The following PRND variants were observed in gnomAD, a reference collection of about 807,000 sequenced individuals.
PRND encodes the protein prion like protein doppel.
For missense variants in PRND, 227 were observed against 223.3 expected (o/e 1.02, Z -0.11); for synonymous variants, 94 against 93.2 (o/e 1.01, Z -0.05).
rs993771753 is a variant in PRND, at chr20:4,725,126, T to A, written c.*44T>A. The A allele has an allele frequency of 3.2e-6, 5 of 1,584,048 alleles. No individual in the cohort carries two copies. The African/African-American group carries it at 5.4e-5, about 17-fold the overall frequency. ...AGTACAGAGTGCAGCAGCGAGCAAA[T>A]CCTGGCAAGTGACCCAGCTCTTCTC... On this transcript the variant is annotated 3_prime_UTR_variant, in exon 2 of 2. Coordinates refer to ENST00000305817, the MANE Select transcript of PRND (RefSeq NM_012409.4).
In PRND at chr20:4,724,918, C is replaced by T. The variant is rs775556779; in HGVS notation, c.367C>T (p.Pro123Ser). 3 of 1,614,172 alleles carry T rather than the reference C, an allele frequency of 1.9e-6. No homozygotes were observed. In the South Asian group the frequency reaches 3.3e-5, roughly 18 times the overall value. The change falls in exon 2 of 2, where the codon CCA (proline) becomes TCA (serine). Residue 123 changes from proline (P) to serine (S), a missense_variant. By Grantham distance (74) the Pro-to-Ser change is moderately conservative. Coordinates refer to ENST00000305817, the MANE Select transcript of PRND (RefSeq NM_012409.4). The surrounding 1 kb of genome is among the most constrained non-coding windows in gnomAD (Gnocchi z 4.8). ...GGCGAACCAGGGGGAGTTCCAGAAG[C>T]CAGACAACAAGCTCCACCAGCAGGT... ...QAANQGEFQK[P>S]DNKLHQQVLW...
chr20:4,722,696 C>G (rs1164345371), intron 1 of PRND, among the ~76,000 whole-genome samples: 1 of 152,058 alleles, frequency 6.6e-6, no homozygotes, highest in South Asian at 2.1e-4. Context: ...AGGGGCGAAA[C>G]AAGCTCCCTG....
At position 4,725,946 on chromosome 20, in the gene PRND, T is replaced by C. The variant is rs560543652; in HGVS notation, c.*864T>C. ...CATGATTTTGGCTCACTGCAGCCTC[T>C]GCCTCCCAGGCTCAAGCACTTTTCC... On this transcript the variant is annotated 3_prime_UTR_variant, in exon 2 of 2. Transcript: ENST00000305817. 53 of 163,380 alleles carry C rather than the reference T, an allele frequency of 3.2e-4. No individual in the cohort carries two copies. Among genetic ancestry groups the C allele is most frequent in the Admixed American group, 1.2e-3 (18 of 15,148 alleles). The allele number at this position is 163,380 out of a possible 1,614,324, so 10.1% of individuals were successfully genotyped here.
At position 4,726,725 on chromosome 20, in the gene PRND, A is replaced by G. The variant is rs547867321; in HGVS notation, c.*1643A>G. On this transcript the variant is annotated 3_prime_UTR_variant, in exon 2 of 2. Transcript: ENST00000305817. ...GGGGGGAACATGCATTTTATCAGACAATTTATCCAAAGCATTGCAGAACAT... is the reference window on the plus strand; with the variant it reads ...GGGGGGAACATGCATTTTATCAGACGATTTATCCAAAGCATTGCAGAACAT... 6.0e-6 allele frequency: 1 copy of G among 167,242 alleles called. No individual in the cohort carries two copies. The highest frequency in any genetic ancestry group is 2.4e-5 in the African/African-American group (1 of 41,594). 10.4% of individuals were successfully genotyped at this position (167,242 alleles called of 1,614,324 possible).
chr20:4,722,242 T>C (rs1923124593), intron 1 of PRND, among the ~76,000 whole-genome samples: 1 of 152,100 alleles, frequency 6.6e-6, no homozygotes, highest in African/African-American at 2.4e-5. Context: ...AAGAATGCTG[T>C]GCTTTTATTT....
chr20:4,725,095 G>A lies in PRND; in HGVS notation c.*13G>A. The stretch of plus-strand genomic sequence containing the variant: ...CACGGTGAAATAAGCTTGCCAGGAG[G>A]CTGGCAGTACAGAGTGCAGCAGCGA... On this transcript the variant is annotated 3_prime_UTR_variant, in exon 2 of 2. Transcript: ENST00000305817. The A allele has an allele frequency of 3.1e-6, 5 of 1,611,362 alleles. No individual in the cohort carries two copies. Among genetic ancestry groups the A allele is most frequent in the Non-Finnish European group, 4.2e-6 (5 of 1,179,128 alleles).
In PRND at chr20:4,725,424, G is replaced by T. The variant is rs1012814500; in HGVS notation, c.*342G>T. On this transcript the variant is annotated 3_prime_UTR_variant, in exon 2 of 2. Transcript: ENST00000305817. ...GAGGTAGGTGTATTCCCGTTTTACAGATAAGGAAACTGAGGCCCAGAGAGC... is the reference window on the plus strand; with the variant it reads ...GAGGTAGGTGTATTCCCGTTTTACATATAAGGAAACTGAGGCCCAGAGAGC... The T allele has an allele frequency of 6.6e-5, 17 of 258,802 alleles. No individual in the cohort carries two copies. The highest frequency in any genetic ancestry group is 3.6e-4 in the African/African-American group (16 of 44,904). The allele number at this position is 258,802 out of a possible 1,614,324, so 16.0% of individuals were successfully genotyped here.
intron 1 of PRND, among the ~76,000 whole-genome samples, chr20:4,722,423 G>T (rs1923129123): frequency 6.6e-6 from 1 of 151,956 alleles, no homozygotes; most frequent in African/African-American, 2.4e-5. Flanking sequence ...TGCTCAGGAG[G>T]CAGAGAGAGT....
chr20:4,724,512 G>T lies in PRND; in HGVS notation c.-11-29G>T. ...GGGGAGCCCAGGCAGGCCTGGTGGG[G>T]AGCTGACCCACCGCCGTTTCTCTGG... On this transcript the variant is annotated intron_variant, in intron 1 of 1. Transcript: ENST00000305817. The surrounding 1 kb of genome is among the most constrained non-coding windows in gnomAD (Gnocchi z 4.8). The T allele has an allele frequency of 3.7e-6, 6 of 1,613,108 alleles. No homozygotes were observed. Among genetic ancestry groups the T allele is most frequent in the Non-Finnish European group, 4.2e-6 (5 of 1,179,868 alleles).
Position 4,724,677 on chromosome 20 carries a change from C to T in PRND, c.126C>T (p.Ser42=), listed in dbSNP as rs928477651. The T allele has an allele frequency of 1.9e-6, 3 of 1,614,102 alleles. No homozygotes were observed. Among genetic ancestry groups the T allele is most frequent in the Non-Finnish European group, 2.5e-6 (3 of 1,180,054 alleles). ...RIKWNRKALP[S]TAQITEAQVA... is the part of the protein sequence containing the mutation. ...AGTGGAACCGGAAGGCCCTGCCCAG[C>T]ACTGCCCAGATCACTGAGGCCCAGG... The change falls in exon 2 of 2, where the codon AGC becomes AGT. Residue 42 remains serine, a synonymous_variant. Transcript: ENST00000305817. The surrounding 1 kb of genome is among the most constrained non-coding windows in gnomAD (Gnocchi z 4.8).
chr20:4,725,181 CCAGGAGCGGCGATGCACTCG>C lies in PRND; in HGVS notation c.*102_*121del. The stretch of plus-strand genomic sequence containing the variant: ...AAACCCACGCGTGTTCTGAAGGTGC[CCAGGAGCGGCGATGCACTCG>C]CACTGCAAATGCCGCTCTCACGTAT... On this transcript the variant is annotated 3_prime_UTR_variant, in exon 2 of 2. Transcript: ENST00000305817. 1 of 1,468,434 alleles carries C rather than the reference CCAGGAGCGGCGATGCACTCG, an allele frequency of 6.8e-7. No homozygotes were observed. The highest frequency in any genetic ancestry group is 9.2e-7 in the Non-Finnish European group (1 of 1,081,256). 91.0% of individuals were successfully genotyped at this position (1,468,434 alleles called of 1,614,324 possible).
At position 4,724,999 on chromosome 20, in the gene PRND, G is replaced by C; in HGVS notation, c.448G>C (p.Glu150Gln). ...CCTCAAGCATTGCGAGTTTTGGTTG[G>C]AGAGGGGCGCAGGACTTCGGGTCAC... Reference protein sequence around the residue: ...CSLKHCEFWLERGAGLRVTMH... With the variant: ...CSLKHCEFWLQRGAGLRVTMH... The change falls in exon 2 of 2, where the codon GAG (glutamate) becomes CAG (glutamine). Residue 150 changes from glutamate to glutamine, a missense_variant. Glu to Gln is a conservative substitution (Grantham distance 29). Coordinates refer to ENST00000305817, the MANE Select transcript of PRND (RefSeq NM_012409.4). This position sits in a 1 kb window ranked among gnomAD's most constrained non-coding sequence, Gnocchi z 4.8. The C allele has an allele frequency of 6.2e-7, 1 of 1,613,756 alleles. No individual in the cohort carries two copies. The highest frequency in any genetic ancestry group is 8.5e-7 in the Non-Finnish European group (1 of 1,179,924).
Position 4,724,936 on chromosome 20 carries a change from C to A in PRND, c.385C>A (p.Gln129Lys), listed in dbSNP as rs1923217639. 6.2e-7 allele frequency: 1 copy of A among 1,614,182 alleles called. No homozygotes were observed. The highest frequency in any genetic ancestry group is 2.2e-5 in the East Asian group (1 of 44,866). The change falls in exon 2 of 2, where the codon CAG (glutamine) becomes AAG (lysine). Residue 129 changes from glutamine to lysine, a missense_variant. Gln to Lys is a moderately conservative substitution (Grantham distance 53). Transcript: ENST00000305817. The surrounding 1 kb of genome is among the most constrained non-coding windows in gnomAD (Gnocchi z 4.8). ...EFQKPDNKLH[Q>K]QVLWRLVQEL... ...CCAGAAGCCAGACAACAAGCTCCAC[C>A]AGCAGGTGCTCTGGCGGCTGGTCCA...
rs571194980 is a variant in PRND, at chr20:4,725,183, A to G, written c.*101A>G. On this transcript the variant is annotated 3_prime_UTR_variant, in exon 2 of 2. Coordinates refer to ENST00000305817, the MANE Select transcript of PRND (RefSeq NM_012409.4). ...ACCCACGCGTGTTCTGAAGGTGCCCAGGAGCGGCGATGCACTCGCACTGCA... is the reference window on the plus strand; with the variant it reads ...ACCCACGCGTGTTCTGAAGGTGCCCGGGAGCGGCGATGCACTCGCACTGCA... The G allele has an allele frequency of 1.4e-6, 2 of 1,459,860 alleles. No homozygotes were observed. The highest frequency in any genetic ancestry group is 2.5e-5 in the South Asian group (2 of 78,936). The allele number at this position is 1,459,860 out of a possible 1,614,324, so 90.4% of individuals were successfully genotyped here.
At position 4,724,844 on chromosome 20, in the gene PRND, A is replaced by C; in HGVS notation, c.293A>C (p.Asn98Thr). 1 of 1,614,232 alleles carries C rather than the reference A, an allele frequency of 6.2e-7. No individual in the cohort carries two copies. Among genetic ancestry groups the C allele is most frequent in the Non-Finnish European group, 8.5e-7 (1 of 1,180,036 alleles). The change falls in exon 2 of 2, where the codon AAT becomes ACT. Residue 98 changes from asparagine to threonine, a missense_variant. Asn to Thr is a moderately conservative substitution (Grantham distance 65). Transcript: ENST00000305817. The surrounding 1 kb of genome is among the most constrained non-coding windows in gnomAD (Gnocchi z 4.8). Reference sequence around the variant, plus strand: ...CACTACAACGGCTGCTCTGAGGCTAATGTGACCAAGGAGGCATTTGTCACC... The same window carrying C: ...CACTACAACGGCTGCTCTGAGGCTACTGTGACCAAGGAGGCATTTGTCACC... ...GIHYNGCSEA[N>T]VTKEAFVTGC...
In PRND at chr20:4,724,083, T is replaced by G. The variant is rs1213907671; in HGVS notation, c.-11-458T>G. Among the ~76,000 whole-genome samples, 1 of 150,606 alleles carries G rather than the reference T, an allele frequency of 6.6e-6. No homozygotes were observed. The highest frequency in any genetic ancestry group is 1.9e-4 in the East Asian group (1 of 5,170). The stretch of plus-strand genomic sequence containing the variant: ...GTATATACGTGTATATATACATATA[T>G]ATGTGTATATATATACGTGTATACA... On this transcript the variant is annotated intron_variant, in intron 1 of 1. Transcript: ENST00000305817. The surrounding 1 kb of genome is among the most constrained non-coding windows in gnomAD (Gnocchi z 4.8).
chr20:4,726,662 CTGAATATTATCATT>C lies in PRND; in HGVS notation c.*1582_*1595del, dbSNP rs1274762475. ...GAACTATATTTGGAGAAAACAGCCA[CTGAATATTATCATT>C]TCTCCTTTAAAGAGAGTTTGTAAGG... On this transcript the variant is annotated 3_prime_UTR_variant, in exon 2 of 2. Transcript: ENST00000305817. 6.0e-6 allele frequency: 1 copy of C among 167,110 alleles called. No individual in the cohort carries two copies. Among genetic ancestry groups the C allele is most frequent in the African/African-American group, 2.4e-5 (1 of 41,466 alleles). The allele number at this position is 167,110 out of a possible 1,614,324, so 10.4% of individuals were successfully genotyped here.
At position 4,726,136 on chromosome 20, in the gene PRND, A is replaced by ATCTTTTTT. The variant is rs530804777; in HGVS notation, c.*1055_*1056insCTTTTTTT. ...GGGCCTCCCATAGTGCTGGGATTCAATTTTTTTTTTTTTTTTTTCAAAAGA... is the reference window on the plus strand; with the variant it reads ...GGGCCTCCCATAGTGCTGGGATTCAATCTTTTTTTTTTTTTTTTTTTTTTTTCAAAAGA... On this transcript the variant is annotated 3_prime_UTR_variant, in exon 2 of 2. Transcript: ENST00000305817. 2 of 120,448 alleles carry ATCTTTTTT rather than the reference A, an allele frequency of 1.7e-5. No individual in the cohort carries two copies. Among genetic ancestry groups the ATCTTTTTT allele is most frequent in the African/African-American group, 6.8e-5 (2 of 29,506 alleles). The allele number at this position is 120,448 out of a possible 1,614,324, so 7.5% of individuals were successfully genotyped here.
At position 4,725,265 on chromosome 20, in the gene PRND, C is replaced by G. The variant is rs976766407; in HGVS notation, c.*183C>G. 2.8e-6 allele frequency: 2 copies of G among 718,112 alleles called. No homozygotes were observed. The highest frequency in any genetic ancestry group is 4.6e-6 in the Non-Finnish European group (2 of 430,386). The allele number at this position is 718,112 out of a possible 1,614,324, so 44.5% of individuals were successfully genotyped here. On this transcript the variant is annotated 3_prime_UTR_variant, in exon 2 of 2. Coordinates refer to ENST00000305817, the MANE Select transcript of PRND (RefSeq NM_012409.4). Reference sequence around the variant, plus strand: ...TGCCTGCGTTCTGATAGATGGGGGACTGTGGCTTCTCCGTCACTCCATTCT... The same window carrying G: ...TGCCTGCGTTCTGATAGATGGGGGAGTGTGGCTTCTCCGTCACTCCATTCT...
Sources: allele counts gnomAD v4.1 joint callset (sites outside exome capture counted in the v4.1 genomes callset), GRCh38; gene constraint gnomAD v4.1.1; non-coding constraint Gnocchi (gnomAD v3.1); transcripts MANE v1.5; gene names NCBI Gene and HGNC (gene_info 2026-07-23, HGNC 2026-07-21).